Variants in ASB1 observed in about 807,000 individuals in gnomAD.
The protein encoded by ASB1 is ankyrin repeat and SOCS box containing 1, also known as ankyrin repeat and SOCS box protein 1.
In ASB1, 18 loss-of-function variants were observed where a neutral mutation model predicts 27.7. The ratio of observed to expected loss-of-function variants is 0.65; its 90% CI spans 0.45 to 0.96. ASB1 has a LOEUF of 0.96. Ranked by LOEUF, ASB1 falls within the 50% of genes least tolerant of loss-of-function variation. ASB1 has a pLI of 0.00. For missense variants in ASB1, 397 were observed against 451.7 expected (o/e 0.88, Z 1.10); for synonymous variants, 189 against 187.6 (o/e 1.01, Z -0.06).
chr2:238,427,169 G>A, intron 1 of ASB1, 50 bp downstream of exon 1: 1 of 1,195,990 alleles, frequency 8.4e-7, no homozygotes, highest in Non-Finnish European at 1.0e-6. Context: ...GATGGCGAAG[G>A]GCTGGCTCCG....
intron 1 of ASB1, 66 bp downstream of exon 1, chr2:238,427,185 C>A: frequency 1.7e-6 from 2 of 1,143,286 alleles, no homozygotes; most frequent in Non-Finnish European, 2.2e-6. Flanking sequence ...CTCCGGCGTC[C>A]CTGCCGAGGT....
chr2:238,427,379 A>C, intron 1 of ASB1: 1 of 367,248 alleles, frequency 2.7e-6, no homozygotes, highest in Non-Finnish European at 4.9e-6. Flanking sequence ...ACTTGCTCGT[A>C]ACTTCCTTCC....
In ASB1 at chr2:238,448,857, G is replaced by T. The variant is rs77465131; in HGVS notation, c.*2346G>T. 13 of 152,528 alleles carry T rather than the reference G, an allele frequency of 8.5e-5. No individual in the cohort carries two copies. In the East Asian group the frequency reaches 1.9e-3, roughly 23 times the overall value. The allele number at this position is 152,528 out of a possible 1,614,324, so 9.4% of individuals were successfully genotyped here. ...ACTGCCCCTGGTCTCTCTAGGAGGA[G>T]TGGACTGAATGGATCGTTGCAGAGA... On this transcript the variant is annotated 3_prime_UTR_variant, in exon 5 of 5. Transcript: ENST00000264607.
At position 238,451,118 on chromosome 2, in the gene ASB1, A is replaced by T. The variant is rs1702275913; in HGVS notation, c.*4607A>T. 1 of 143,786 alleles carries T rather than the reference A, an allele frequency of 7.0e-6. No homozygotes were observed. Among genetic ancestry groups the T allele is most frequent in the Non-Finnish European group, 1.6e-5 (1 of 63,358 alleles). 8.9% of individuals were successfully genotyped at this position (143,786 alleles called of 1,614,324 possible). ...ATGAAACAGTTTAGATGTGTACATG[A>T]TGCACGTGGGTGGGATTCACATCCC... On this transcript the variant is annotated 3_prime_UTR_variant, in exon 5 of 5. Coordinates refer to ENST00000264607, the MANE Select transcript of ASB1 (RefSeq NM_001040445.3).
rs570247923 is a variant in ASB1 at position 238,448,755 on chromosome 2, G to T, written c.*2244G>T. ...TGGTGTGACCTTCAGGCTGCACAGA[G>T]GCAAGGACCCAGATGTGGCAGCATG... On this transcript the variant is annotated 3_prime_UTR_variant, in exon 5 of 5. Coordinates refer to ENST00000264607, the MANE Select transcript of ASB1 (RefSeq NM_001040445.3). The T allele has an allele frequency of 2.0e-5, 3 of 152,588 alleles. No individual in the cohort carries two copies. The highest frequency in any genetic ancestry group is 2.0e-4 in the Admixed American group (3 of 15,308). 9.5% of individuals were successfully genotyped at this position (152,588 alleles called of 1,614,324 possible). A position where few individuals can be genotyped will look rare whatever the true frequency, so the allele number is the denominator to read the frequency against.
chr2:238,437,635 C>CT (rs1197709276), intron 3 of ASB1, among the ~76,000 whole-genome samples: 1 of 151,310 alleles, frequency 6.6e-6, no homozygotes, highest in Non-Finnish European at 1.5e-5. Flanking sequence ...AGCAAAGATG[C>CT]TTTTTTCCCT....
At chr2:238,430,583 T>C (rs894980480) in intron 1 of ASB1, among the ~76,000 whole-genome samples, 2 of 152,252 alleles carry the variant, frequency 1.3e-5, no homozygotes, top group Non-Finnish European at 2.9e-5. Flanking sequence ...TCACAAATGT[T>C]CTAAATGACA....
intron 1 of ASB1, among the ~76,000 whole-genome samples, chr2:238,433,030 G>A (rs1701900070): frequency 6.6e-6 from 1 of 152,088 alleles, no homozygotes; most frequent in Non-Finnish European, 1.5e-5. Flanking sequence ...ACAGGCGTGA[G>A]CCACCTCACC....
Position 238,427,024 on chromosome 2 carries a change from C to T in ASB1, c.-47C>T, listed in dbSNP as rs1251095487. The T allele has an allele frequency of 3.2e-6, 4 of 1,234,674 alleles. No homozygotes were observed. Among genetic ancestry groups the T allele is most frequent in the Non-Finnish European group, 4.0e-6 (4 of 987,758 alleles). The allele number at this position is 1,234,674 out of a possible 1,614,324, so 76.5% of individuals were successfully genotyped here. On this transcript the variant is annotated 5_prime_UTR_variant, in exon 1 of 5. Coordinates refer to ENST00000264607, the MANE Select transcript of ASB1 (RefSeq NM_001040445.3). ...GTCGCGGGTCGTTCTGCTTCCTGCC[C>T]GAGGGGCGTGCGCGGGTCAGGGGCG...
chr2:238,450,438 A>G lies in ASB1; in HGVS notation c.*3927A>G, dbSNP rs934931672. ...TGCTTTTTGAAATGCTCTTGGTTGC[A>G]AAACAAAATGTTGGTTGCTGTTTGT... On this transcript the variant is annotated 3_prime_UTR_variant, in exon 5 of 5. Coordinates refer to ENST00000264607, the MANE Select transcript of ASB1 (RefSeq NM_001040445.3). 6.6e-5 allele frequency: 10 copies of G among 152,380 alleles called. No individual in the cohort carries two copies. The highest frequency in any genetic ancestry group is 2.6e-4 in the Admixed American group (4 of 15,300). 9.4% of individuals were successfully genotyped at this position (152,380 alleles called of 1,614,324 possible).
intron 1 of ASB1, among the ~76,000 whole-genome samples, chr2:238,429,799 G>A (rs188743292): frequency 3.3e-5 from 5 of 152,184 alleles, no homozygotes; most frequent in Non-Finnish European, 7.4e-5. Context: ...TTAGCCAGGT[G>A]TGGTGGCGGG....
chr2:238,433,805 T>C lies in ASB1; in HGVS notation c.191+110T>C, dbSNP rs777155521. ...GAAGACCTTGATGTTGGGAGGAATGTGTTCCAGTTTTAGAGGACGGGGATA... is the reference window on the plus strand; with the variant it reads ...GAAGACCTTGATGTTGGGAGGAATGCGTTCCAGTTTTAGAGGACGGGGATA... On this transcript the variant is annotated intron_variant, in intron 2 of 4. Transcript: ENST00000264607. 3.8e-4 allele frequency: 499 copies of C among 1,321,180 alleles called. 2 individuals carry two copies. The highest frequency in any genetic ancestry group is 4.9e-4 in the Non-Finnish European group (475 of 960,076). 81.8% of individuals were successfully genotyped at this position (1,321,180 alleles called of 1,614,324 possible).
chr2:238,445,855 G>C (rs1474234686), intron 4 of ASB1, among the ~76,000 whole-genome samples: 1 of 152,226 alleles, frequency 6.6e-6, no homozygotes, highest in Non-Finnish European at 1.5e-5. Context: ...GCAGCAGCTT[G>C]CGTTCAGGAC....
chr2:238,430,150 A>G (rs989424680), intron 1 of ASB1, among the ~76,000 whole-genome samples: 1 of 152,184 alleles, frequency 6.6e-6, no homozygotes, highest in Non-Finnish European at 1.5e-5. Flanking sequence ...GAAGTTTGCC[A>G]TATCGTCTGG....
intron 3 of ASB1, among the ~76,000 whole-genome samples, chr2:238,440,929 A>G (rs966703641): frequency 6.6e-6 from 1 of 152,172 alleles, no homozygotes; most frequent in African/African-American, 2.4e-5. Context: ...GTACATGCCC[A>G]CGTGGAGAGC....
Position 238,444,477 on chromosome 2 carries a change from G to C in ASB1, c.630G>C (p.Leu210=). Residue 210 remains leucine (L), a synonymous_variant, in exon 4 of 5, where the codon CTG becomes CTC. Transcript: ENST00000264607. The stretch of plus-strand genomic sequence containing the variant: ...ACCACAACCTCCAGTGCTTCCGGCT[G>C]CTCCTCCTGGCTGGCGCGAACCCTG... ...AAYHNLQCFR[L]LLLAGANPDF... 5 of 1,614,178 alleles carry C rather than the reference G, an allele frequency of 3.1e-6. No homozygotes were observed. The East Asian group carries it at 1.1e-4, about 36-fold the overall frequency.
rs564670258 is a variant in ASB1, at chr2:238,445,589, T to G, written c.881-795T>G. On this transcript the variant is annotated intron_variant, in intron 4 of 4. Transcript: ENST00000264607. Reference sequence around the variant, plus strand: ...ATAGCTTGGTCTTGTTATCCGAGGCTCTCTGGGATTCAGACATTGACCTCA... The same window carrying G: ...ATAGCTTGGTCTTGTTATCCGAGGCGCTCTGGGATTCAGACATTGACCTCA... Among the ~76,000 whole-genome samples, 15 of 152,324 alleles carry G rather than the reference T, an allele frequency of 9.8e-5. 1 individual carries two copies. The South Asian group carries it at 2.7e-3, about 27-fold the overall frequency.
chr2:238,436,977 T>C (rs1701985079), intron 3 of ASB1, among the ~76,000 whole-genome samples: 1 of 152,226 alleles, frequency 6.6e-6, no homozygotes, highest in African/African-American at 2.4e-5. Flanking sequence ...ATTAGTTTTA[T>C]TTAAGGCCCA....
intron 3 of ASB1, among the ~76,000 whole-genome samples, chr2:238,442,589 A>G (rs2106409041): frequency 6.6e-6 from 1 of 152,252 alleles, no homozygotes; most frequent in East Asian, 1.9e-4. Context: ...AAAAATTTTC[A>G]TGTTAAAAAC....
Sources: gnomAD v4.1 joint callset for allele counts (sites outside exome capture counted in the v4.1 genomes callset) on GRCh38, gnomAD v4.1.1 for gene constraint, MANE v1.5 for transcripts, NCBI Gene and HGNC (gene_info 2026-07-23, HGNC 2026-07-21) for gene names.